SNX29: variants seen among roughly 807,000 people sequenced by gnomAD.
SNX29 encodes sorting nexin 29.
Under a neutral mutation model 102.1 loss-of-function variants are expected in SNX29, and 78 were observed. That is an observed-to-expected ratio of 0.76 (90% CI 0.64 to 0.92). SNX29 has a LOEUF of 0.92. SNX29 is among the 40% of genes least tolerant of loss of function. The pLI, the probability that SNX29 is intolerant of heterozygous loss-of-function variation, is 0.00. For synonymous variants in SNX29, 580 were observed against 414.5 expected (o/e 1.40, Z -4.85); for missense variants, 1,280 against 1,061.7 (o/e 1.21, Z -2.86).
chr16:12,431,274 A>G (rs1223461193), intron 18 of SNX29, among the ~76,000 whole-genome samples: 2 of 152,094 alleles, frequency 1.3e-5, no homozygotes, highest in Non-Finnish European at 2.9e-5. Flanking sequence ...GGTAGGAGAA[A>G]TGGCCCCCTG....
chr16:12,287,646 A>C (rs978430422), intron 15 of SNX29, among the ~76,000 whole-genome samples: 3 of 152,168 alleles, frequency 2.0e-5, no homozygotes, highest in Non-Finnish European at 4.4e-5. Flanking sequence ...TCATTATCAC[A>C]CCCTAAAGTT....
Position 11,998,636 on chromosome 16 carries a change from C to T in SNX29, c.8-661C>T, listed in dbSNP as rs148713358. Among the ~76,000 whole-genome samples the T allele has an allele frequency of 2.6e-5, 4 of 152,220 alleles. No homozygotes were observed. The East Asian group carries it at 7.7e-4, about 29-fold the overall frequency. ...CCACCCAACATGTTTATGATTAAGG[C>T]ATGAAGGATGGTGGAGGGAGTGATG... On this transcript the variant is annotated intron_variant, in intron 1 of 20. Coordinates refer to ENST00000566228, the MANE Select transcript of SNX29 (RefSeq NM_032167.5).
At chr16:12,535,289 C>T (rs566157169) in intron 20 of SNX29, among the ~76,000 whole-genome samples, 3 of 152,160 alleles carry the variant, frequency 2.0e-5, no homozygotes, top group South Asian at 2.1e-4. Flanking sequence ...CAGGCATGTG[C>T]CACCATGCCC....
intron 20 of SNX29, among the ~76,000 whole-genome samples, chr16:12,552,804 A>G (rs572769753): frequency 2.6e-5 from 4 of 152,244 alleles, no homozygotes; most frequent in African/African-American, 7.2e-5. Flanking sequence ...ATCCTGGAGG[A>G]GAGAACAGCC....
intron 13 of SNX29, among the ~76,000 whole-genome samples, chr16:12,152,703 C>T (rs570337215): frequency 2.0e-5 from 3 of 152,344 alleles, no homozygotes; most frequent in Non-Finnish European, 4.4e-5. Flanking sequence ...GCAGTACATA[C>T]ACCACAGGTC....
intron 14 of SNX29, among the ~76,000 whole-genome samples, chr16:12,247,011 T>A (rs2078278844): frequency 6.6e-6 from 1 of 151,552 alleles, no homozygotes; most frequent in Non-Finnish European, 1.5e-5. Context: ...ACTCAGAGAG[T>A]GAGGGGAGCA....
intron 19 of SNX29, among the ~76,000 whole-genome samples, chr16:12,503,571 G>A (rs771911252): frequency 6.6e-6 from 1 of 152,212 alleles, no homozygotes; most frequent in Non-Finnish European, 1.5e-5. Flanking sequence ...GCAAAGTCGT[G>A]AGAGGAATTT....
rs1233380501 is a variant in SNX29 at position 12,031,989 on chromosome 16, G to A, written c.247+4545G>A. Among the ~76,000 whole-genome samples, 11 of 152,126 alleles carry A rather than the reference G, an allele frequency of 7.2e-5. 1 individual carries two copies. The East Asian group carries it at 1.9e-3, about 27-fold the overall frequency. On this transcript the variant is annotated intron_variant, in intron 4 of 20. Coordinates refer to ENST00000566228, the MANE Select transcript of SNX29 (RefSeq NM_032167.5). ...TTCCATTTTTACAAACCAAAACTGT[G>A]TACTTGTTAAACACTAACACTCACT... is the stretch of plus-strand genomic sequence containing the variant.
chr16:12,295,022 A>T (rs2079931476), intron 15 of SNX29, among the ~76,000 whole-genome samples: 1 of 152,080 alleles, frequency 6.6e-6, no homozygotes, highest in African/African-American at 2.4e-5. Context: ...AGTGAAAGGG[A>T]TTTCTCCCTA....
chr16:12,241,857 T>C (rs1202594778), intron 14 of SNX29, among the ~76,000 whole-genome samples: 2 of 152,204 alleles, frequency 1.3e-5, no homozygotes, highest in African/African-American at 2.4e-5. Flanking sequence ...TCCTTATGGC[T>C]AGAGGATGAT....
At chr16:12,253,651 A>C (rs1232990139) in intron 14 of SNX29, among the ~76,000 whole-genome samples, 2 of 152,152 alleles carry the variant, frequency 1.3e-5, no homozygotes, top group Non-Finnish European at 2.9e-5. Flanking sequence ...AGCAAGGCAG[A>C]GAGGAGGCGG....
intron 15 of SNX29, among the ~76,000 whole-genome samples, chr16:12,293,730 AAAAAT>A (rs1355763545): frequency 6.6e-6 from 1 of 152,220 alleles, no homozygotes; most frequent in African/African-American, 2.4e-5. Context: ...AACAGATTAA[AAAAAT>A]AAAGTACAAA....
In SNX29 at chr16:12,048,639, T is replaced by G; in HGVS notation, c.748+19T>G. 1 of 1,613,914 alleles carries G rather than the reference T, an allele frequency of 6.2e-7. No individual in the cohort carries two copies. The highest frequency in any genetic ancestry group is 8.5e-7 in the Non-Finnish European group (1 of 1,179,848). On this transcript the variant is annotated intron_variant, in intron 7 of 20. Coordinates refer to ENST00000566228, the MANE Select transcript of SNX29 (RefSeq NM_032167.5). ...AGTGCTGGTGAGTGGGAACGGGTGCTCGAGGCGGAGCAGAGGGAATCAGAA... is the reference window on the plus strand; with the variant it reads ...AGTGCTGGTGAGTGGGAACGGGTGCGCGAGGCGGAGCAGAGGGAATCAGAA...
At chr16:12,040,480 T>A (rs2049834642) in intron 4 of SNX29, among the ~76,000 whole-genome samples, 1 of 152,246 alleles carries the variant, frequency 6.6e-6, no homozygotes, top group African/African-American at 2.4e-5. Context: ...GGAATGACTG[T>A]CTTATGGATA....
In SNX29 at chr16:12,572,343, G is replaced by A. The variant is rs117922914; in HGVS notation, c.*3714G>A. On this transcript the variant is annotated 3_prime_UTR_variant, in exon 21 of 21. Coordinates refer to ENST00000566228, the MANE Select transcript of SNX29 (RefSeq NM_032167.5). The stretch of plus-strand genomic sequence containing the variant: ...AGGAGTGAAGCCCACCAGCCTGCCT[G>A]GTTGATGGACAGCAGGCTCTGCCTT... 13,376 of 1,063,416 alleles carry A rather than the reference G, an allele frequency of 0.013. 111 individuals carry two copies. Among genetic ancestry groups the A allele is most frequent in the Non-Finnish European group, 0.014 (12,081 of 878,062 alleles). The allele number at this position is 1,063,416 out of a possible 1,614,324, so 65.9% of individuals were successfully genotyped here.
intron 18 of SNX29, among the ~76,000 whole-genome samples, chr16:12,422,200 C>A (rs964091561): frequency 1.3e-5 from 2 of 152,226 alleles, no homozygotes; most frequent in Non-Finnish European, 2.9e-5. Context: ...GCTTCCTCTG[C>A]CACTCAATGG....
chr16:12,543,298 C>A (rs918292007), intron 20 of SNX29, among the ~76,000 whole-genome samples: 1 of 152,080 alleles, frequency 6.6e-6, no homozygotes. Flanking sequence ...TGCCTGTGGC[C>A]CGGGGAATGG....
chr16:12,043,376 A>G (rs531125541), intron 5 of SNX29, among the ~76,000 whole-genome samples: 4 of 151,060 alleles, frequency 2.6e-5, no homozygotes, highest in South Asian at 4.2e-4. Context: ...TTTTTTAAAG[A>G]CAGGGTCTTG....
intron 16 of SNX29, among the ~76,000 whole-genome samples, chr16:12,393,418 A>T (rs1030154129): frequency 7.1e-6 from 1 of 140,312 alleles, no homozygotes; most frequent in Non-Finnish European, 1.6e-5. Flanking sequence ...GCATGCATTC[A>T]TTCATTCATT....
Sources: gnomAD v4.1 joint callset for allele counts (sites outside exome capture counted in the v4.1 genomes callset) on GRCh38, gnomAD v4.1.1 for gene constraint, MANE v1.5 for transcripts, NCBI Gene and HGNC (gene_info 2026-07-23, HGNC 2026-07-21) for gene names.